CACNA1C: variants seen among roughly 807,000 people sequenced by gnomAD.
CACNA1C encodes voltage-dependent L-type calcium channel subunit alpha-1C.
A neutral mutation model predicts 229.0 loss-of-function variants in CACNA1C; 30 were observed. The ratio of observed to expected loss-of-function variants is 0.13; its 90% CI spans 0.10 to 0.18. CACNA1C has a LOEUF of 0.18. Ranked by LOEUF, CACNA1C falls within the 10% of genes least tolerant of loss-of-function variation. The probability of loss-of-function intolerance (pLI) is 1.00; values close to 1 mark genes in which losing one functional copy is unlikely to be tolerated. For missense variants in CACNA1C, 1,658 were observed against 2,845.0 expected (o/e 0.58, Z 9.49); for synonymous variants, 1,114 against 1,132.5 (o/e 0.98, Z 0.33).
chr12:2,103,154 C>T (rs1341374052), intron 1 of CACNA1C, among the ~76,000 whole-genome samples: 5 of 152,184 alleles, frequency 3.3e-5, no homozygotes, highest in African/African-American at 4.8e-5. Flanking sequence ...CTTGAGGAAT[C>T]GCCACACTGT....
intron 3 of CACNA1C, among the ~76,000 whole-genome samples, chr12:2,294,862 C>T (rs2093880200): frequency 6.6e-6 from 1 of 152,106 alleles, no homozygotes; most frequent in South Asian, 2.1e-4. Flanking sequence ...AGGGTGGTCT[C>T]CGTCTGTGTG....
At chr12:2,086,959 C>T (rs1394135568) in intron 1 of CACNA1C, among the ~76,000 whole-genome samples, 1 of 152,162 alleles carries the variant, frequency 6.6e-6, no homozygotes, top group Non-Finnish European at 1.5e-5. Context: ...GCCATTGCAC[C>T]CATTCTTAGA....
intron 1 of CACNA1C, among the ~76,000 whole-genome samples, chr12:2,027,296 TTGGTTCAG>T (rs2047495079): frequency 6.6e-6 from 1 of 152,338 alleles, no homozygotes; most frequent in African/African-American, 2.4e-5. Flanking sequence ...TCTTGGTTAA[TTGGTTCAG>T]ATGCTACATT....
At chr12:2,531,770 C>A (rs1314613348) in intron 9 of CACNA1C, among the ~76,000 whole-genome samples, 1 of 152,200 alleles carries the variant, frequency 6.6e-6, no homozygotes, top group Non-Finnish European at 1.5e-5. Context: ...CAATGTCTGT[C>A]TACCTTGAGA....
At chr12:2,465,753 T>C (rs545729063) in intron 5 of CACNA1C, among the ~76,000 whole-genome samples, 1 of 152,242 alleles carries the variant, frequency 6.6e-6, no homozygotes, top group East Asian at 1.9e-4. Context: ...GAACTGACCA[T>C]GAATCTTGAA....
chr12:2,333,559 G>A (rs544304868), intron 3 of CACNA1C, among the ~76,000 whole-genome samples: 94 of 152,318 alleles, frequency 6.2e-4, no homozygotes, highest in Middle Eastern at 6.8e-3. Flanking sequence ...AAGCATGACC[G>A]CGCCATCCAG....
chr12:2,675,683 C>A (rs1255302491), intron 39 of CACNA1C, among the ~76,000 whole-genome samples: 1 of 152,176 alleles, frequency 6.6e-6, no homozygotes, highest in East Asian at 1.9e-4. Context: ...TAAAACCATG[C>A]AAAACAATGT....
intron 29 of CACNA1C, among the ~76,000 whole-genome samples, chr12:2,624,325 G>T (rs1406782263): frequency 6.6e-6 from 1 of 152,212 alleles, no homozygotes; most frequent in Admixed American, 6.5e-5. Context: ...GCCCAGTGAA[G>T]GAGCATCCTT....
chr12:2,075,685 G>A (rs575049357), intron 1 of CACNA1C, among the ~76,000 whole-genome samples: 18 of 152,280 alleles, frequency 1.2e-4, no homozygotes, highest in African/African-American at 2.6e-4. Flanking sequence ...CCTGACCTCC[G>A]GTAGGAATGT....
In CACNA1C at chr12:2,357,840, G is replaced by T. The variant is rs568411799; in HGVS notation, c.478-91136G>T. 5.3e-5 allele frequency among the ~76,000 whole-genome samples: 8 copies of T among 151,810 alleles called. 1 individual carries two copies. In the South Asian group the frequency reaches 1.7e-3, roughly 32 times the overall value. ...ACAAAAATTAGCCAGGCATGGTGGA[G>T]GGTGCCTGTAATCCCAGCTACTCAG... On this transcript the variant is annotated intron_variant, in intron 3 of 46. Coordinates refer to ENST00000399655, the MANE Select transcript of CACNA1C (RefSeq NM_000719.7).
In CACNA1C at chr12:2,034,918, G is replaced by T. The variant is rs548557339; in HGVS notation, c.139+63717G>T. Among the ~76,000 whole-genome samples the T allele has an allele frequency of 6.6e-6, 1 of 152,336 alleles. No homozygotes were observed. The highest frequency in any genetic ancestry group is 2.1e-4 in the South Asian group (1 of 4,816). On this transcript the variant is annotated intron_variant, in intron 1 of 46. Transcript: ENST00000682462. This position sits in a 1 kb window ranked among gnomAD's most constrained non-coding sequence, Gnocchi z 4.1. ...TGGGACACCGAATCCAACTTTGCGGGACAGGGGAAGAAGCCTTAGGAGCTG... is the reference window on the plus strand; with the variant it reads ...TGGGACACCGAATCCAACTTTGCGGTACAGGGGAAGAAGCCTTAGGAGCTG...
intron 3 of CACNA1C, among the ~76,000 whole-genome samples, chr12:2,141,478 G>T (rs1178315435): frequency 2.6e-5 from 4 of 151,336 alleles, no homozygotes; most frequent in African/African-American, 7.3e-5. Context: ...AAGCTTCTGG[G>T]ACACAAGGCT....
intron 29 of CACNA1C, chr12:2,614,866 C>A (rs2079658840): frequency 6.6e-6 from 1 of 151,804 alleles, no homozygotes; most frequent in Non-Finnish European, 1.5e-5. Flanking sequence ...TTCCCAATTT[C>A]TTCATTTCTG....
chr12:2,528,357 C>T (rs1000750927), intron 9 of CACNA1C, among the ~76,000 whole-genome samples: 1 of 152,196 alleles, frequency 6.6e-6, no homozygotes, highest in African/African-American at 2.4e-5. Context: ...TGGGCCAAAC[C>T]TGATCATTTC....
At chr12:2,624,876 G>A (rs1314676813) in intron 29 of CACNA1C, among the ~76,000 whole-genome samples, 3 of 152,238 alleles carry the variant, frequency 2.0e-5, no homozygotes, top group Non-Finnish European at 4.4e-5. Context: ...GAGTAGAAAA[G>A]GGACCGGGAA....
chr12:2,038,556 A>G (rs1220364996), intron 1 of CACNA1C, among the ~76,000 whole-genome samples: 3 of 152,256 alleles, frequency 2.0e-5, no homozygotes, highest in African/African-American at 7.2e-5. Flanking sequence ...TACAGAGTCC[A>G]GTTTTCAAAA....
At chr12:2,338,133 A>G (rs1383714317) in intron 3 of CACNA1C, among the ~76,000 whole-genome samples, 1 of 152,094 alleles carries the variant, frequency 6.6e-6, no homozygotes, top group Admixed American at 6.5e-5. Flanking sequence ...TGGCAGGAGC[A>G]TGCCACGCCA....
At chr12:2,233,540 A>G (rs1402533389) in intron 3 of CACNA1C, among the ~76,000 whole-genome samples, 1 of 152,196 alleles carries the variant, frequency 6.6e-6, no homozygotes, top group Non-Finnish European at 1.5e-5. Context: ...ATGTAAGTTC[A>G]GCCTAGGGAA....
chr12:2,078,697 C>T (rs375082295), intron 1 of CACNA1C, among the ~76,000 whole-genome samples: 6 of 152,272 alleles, frequency 3.9e-5, no homozygotes, highest in East Asian at 1.9e-4. Context: ...CACCTAAAAA[C>T]GCTTATCGTG....
Sources: allele counts gnomAD v4.1 joint callset (sites outside exome capture counted in the v4.1 genomes callset), GRCh38; gene constraint gnomAD v4.1.1; non-coding constraint Gnocchi (gnomAD v3.1); transcripts MANE v1.5; gene names NCBI Gene and HGNC (gene_info 2026-07-23, HGNC 2026-07-21).